Variants in HNRNPA2B1 observed in about 807,000 individuals in gnomAD.
HNRNPA2B1 encodes heterogeneous nuclear ribonucleoproteins A2/B1.
In HNRNPA2B1, 3 loss-of-function variants were observed where a neutral mutation model predicts 46.3. The ratio of observed to expected loss-of-function variants is 0.06; its 90% CI spans 0.03 to 0.17. The LOEUF (loss-of-function observed/expected upper bound fraction) is 0.17, where lower values mean the gene tolerates loss of function less well. Among genes scored for constraint, HNRNPA2B1 ranks in the 10% least tolerant of loss-of-function variants. The probability of loss-of-function intolerance (pLI) is 1.00; values close to 1 mark genes in which losing one functional copy is unlikely to be tolerated. For missense variants in HNRNPA2B1, 221 were observed against 418.9 expected (o/e 0.53, Z 4.12); for synonymous variants, 225 against 133.8 (o/e 1.68, Z -4.70).
chr7:26,196,662 G>T lies in HNRNPA2B1; in HGVS notation c.476-4C>A, dbSNP rs765672701. The T allele has an allele frequency of 6.2e-7, 1 of 1,609,880 alleles. No individual in the cohort carries two copies. The highest frequency in any genetic ancestry group is 1.1e-5 in the South Asian group (1 of 90,402). On this transcript the variant is annotated splice_polypyrimidine_tract_variant and splice_region_variant and intron_variant, in intron 4 of 10. Coordinates refer to ENST00000618183, the MANE Select transcript of HNRNPA2B1 (RefSeq NM_002137.4). ...TTGATGGTATGGTATTTCTGCACTG[G>T]AATGAAAAATTCAGACTCCTTTTAA...
intron 4 of HNRNPA2B1, 65 bp downstream of exon 4, chr7:26,196,742 G>T (rs73683262): frequency 1.9e-6 from 3 of 1,560,620 alleles, no homozygotes; most frequent in East Asian, 4.5e-5. Flanking sequence ...TAAAGTTACA[G>T]ATGTTAACAT....
Position 26,197,419 on chromosome 7 carries a change from A to G in HNRNPA2B1, c.160T>C (p.Phe54Leu), listed in dbSNP as rs531662999. 6.2e-7 allele frequency: 1 copy of G among 1,613,994 alleles called. No homozygotes were observed. The highest frequency in any genetic ancestry group is 1.1e-5 in the South Asian group (1 of 91,074). The change falls in exon 3 of 11, where the codon TTT (phenylalanine) becomes CTT (leucine). Residue 54 changes from phenylalanine (F) to leucine (L), a missense_variant. By Grantham distance (22) the Phe-to-Leu change is conservative. Coordinates refer to ENST00000618183, the MANE Select transcript of HNRNPA2B1 (RefSeq NM_002137.4). The part of the protein sequence containing the change: ...PASKRSRGFG[F>L]VTFSSMAEVD... ...TCAGCCATGGATGAAAAAGTTACAA[A>G]ACCAAATCCTCTTGATCTTTTGCTT...
chr7:26,190,877 TTTAATAA>T lies in HNRNPA2B1; in HGVS notation c.*1476_*1482del, dbSNP rs1782836304. 1.3e-5 allele frequency: 2 copies of T among 152,590 alleles called. No individual in the cohort carries two copies. The highest frequency in any genetic ancestry group is 4.8e-5 in the African/African-American group (2 of 41,446). The allele number at this position is 152,590 out of a possible 1,614,324, so 9.5% of individuals were successfully genotyped here. A position where few individuals can be genotyped will look rare whatever the true frequency, so the allele number is the denominator to read the frequency against. On this transcript the variant is annotated 3_prime_UTR_variant, in exon 11 of 11. Coordinates refer to ENST00000618183, the MANE Select transcript of HNRNPA2B1 (RefSeq NM_002137.4). ...TACAACCATAAATACAACAAATGTCTTTAATAAAAACCCCTAGTTCACTCAAAATGTT... is the reference window on the plus strand; with the variant it reads ...TACAACCATAAATACAACAAATGTCTAAACCCCTAGTTCACTCAAAATGTT...
intron 3 of HNRNPA2B1, 137 bp downstream of exon 3, chr7:26,197,178 G>A: frequency 2.5e-6 from 3 of 1,217,676 alleles, no homozygotes; most frequent in Non-Finnish European, 3.5e-6. Flanking sequence ...GCTAGCTTAA[G>A]AAAATGGTCC....
At chr7:26,197,288 T>A (rs769924474) in intron 3 of HNRNPA2B1, 27 bp downstream of exon 3, 1 of 1,574,240 alleles carries the variant, frequency 6.4e-7, no homozygotes, top group East Asian at 2.3e-5. Flanking sequence ...TTCATGTTAA[T>A]GCACAAGACA....
intron 3 of HNRNPA2B1, 42 bp downstream of exon 3, chr7:26,197,273 C>T (rs781196156): frequency 3.2e-6 from 5 of 1,554,116 alleles, no homozygotes; most frequent in Non-Finnish European, 4.3e-6. Flanking sequence ...AGCAGGGCAG[C>T]GTTCTTCATG....
chr7:26,193,489 A>G, intron 8 of HNRNPA2B1, 86 bp downstream of exon 8: 3 of 1,531,570 alleles, frequency 2.0e-6, no homozygotes, highest in Non-Finnish European at 2.6e-6. Context: ...ATGGGCATCT[A>G]GTGACAAACA....
intron 8 of HNRNPA2B1, 83 bp downstream of exon 8, chr7:26,193,492 G>A: frequency 6.5e-7 from 1 of 1,534,028 alleles, no homozygotes; most frequent in Non-Finnish European, 8.8e-7. Flanking sequence ...GGCATCTAGT[G>A]ACAAACATGG....
intron 1 of HNRNPA2B1, chr7:26,199,063 T>C (rs1584006013): frequency 6.6e-6 from 1 of 152,280 alleles, no homozygotes; most frequent in African/African-American, 2.4e-5. Context: ...ATTTTCATTT[T>C]TTCAGCTAGT....
Position 26,196,325 on chromosome 7 carries a change from T to C in HNRNPA2B1, c.658+76A>G, listed in dbSNP as rs892081106. 7 of 1,197,416 alleles carry C rather than the reference T, an allele frequency of 5.8e-6. No individual in the cohort carries two copies. In the African/African-American group the frequency reaches 9.2e-5, roughly 16 times the overall value. The allele number at this position is 1,197,416 out of a possible 1,614,324, so 74.2% of individuals were successfully genotyped here. On this transcript the variant is annotated intron_variant, in intron 6 of 10. Coordinates refer to ENST00000618183, the MANE Select transcript of HNRNPA2B1 (RefSeq NM_002137.4). Reference sequence around the variant, plus strand: ...AATTGACTTAGGTTGGATTTCTTGATTCTACTAATGAAAACCTAATCATAT... The same window carrying C: ...AATTGACTTAGGTTGGATTTCTTGACTCTACTAATGAAAACCTAATCATAT...
chr7:26,195,116 C>CAAAAAAAAT (rs1783399450), intron 7 of HNRNPA2B1, among the ~76,000 whole-genome samples: 1 of 127,606 alleles, frequency 7.8e-6, no homozygotes, highest in African/African-American at 3.2e-5. Context: ...AAAAAGAAAC[C>CAAAAAAAAT]ATATTAAAAA....
In HNRNPA2B1 at chr7:26,196,916, T is replaced by C. The variant is rs772649163; in HGVS notation, c.366A>G (p.Glu122=). The change falls in exon 4 of 11, where the codon GAA becomes GAG. Residue 122 remains glutamate, a synonymous_variant. Coordinates refer to ENST00000618183, the MANE Select transcript of HNRNPA2B1 (RefSeq NM_002137.4). ...EEHHLRDYFE[E]YGKIDTIEII... ...TCTCAATGGTATCAATTTTTCCATA[T>C]TCCTCAAAGTAATCTCTAAGGTGAT... 7 of 1,613,334 alleles carry C rather than the reference T, an allele frequency of 4.3e-6. No individual in the cohort carries two copies. In the East Asian group the frequency reaches 1.6e-4, roughly 36 times the overall value.
chr7:26,198,105 A>T (rs1783869227), intron 1 of HNRNPA2B1: 2 of 364,074 alleles, frequency 5.5e-6, no homozygotes, highest in African/African-American at 2.1e-5. Flanking sequence ...ATCTTTACCA[A>T]AAATTTCAAC....
Position 26,197,146 on chromosome 7 carries a change from G to A in HNRNPA2B1, c.265-129C>T, listed in dbSNP as rs1215128940. The A allele has an allele frequency of 1.2e-5, 13 of 1,104,882 alleles. No individual in the cohort carries two copies. The East Asian group carries it at 1.9e-4, about 16-fold the overall frequency. The allele number at this position is 1,104,882 out of a possible 1,614,324, so 68.4% of individuals were successfully genotyped here. A position where few individuals can be genotyped will look rare whatever the true frequency, so the allele number is the denominator to read the frequency against. On this transcript the variant is annotated intron_variant, in intron 3 of 10. Transcript: ENST00000618183. The stretch of plus-strand genomic sequence containing the variant: ...CTACCAGATATAAAATAGCTTTTAG[G>A]GACCTAGCTTTTGAAAAATAAGCTA...
chr7:26,193,167 T>C (rs907408909), intron 9 of HNRNPA2B1, 84 bp downstream of exon 9: 1 of 1,334,044 alleles, frequency 7.5e-7, no homozygotes, highest in African/African-American at 1.5e-5. Flanking sequence ...TACAAACTAC[T>C]TAGTATGTTA....
At chr7:26,196,341 C>T (rs893203140) in intron 6 of HNRNPA2B1, 60 bp downstream of exon 6, 2 of 1,361,016 alleles carry the variant, frequency 1.5e-6, no homozygotes, top group African/African-American at 2.9e-5. Context: ...TAATGAAAAC[C>T]TAATCATATT....
chr7:26,200,210 G>A (rs760333070), intron 1 of HNRNPA2B1: 3 of 309,866 alleles, frequency 9.7e-6, no homozygotes, highest in Non-Finnish European at 1.8e-5. Context: ...AGGACCTGCT[G>A]CCCGCCGAAA....
chr7:26,197,571 A>T lies in HNRNPA2B1; in HGVS notation c.117+51T>A, dbSNP rs1490841657. On this transcript the variant is annotated intron_variant, in intron 2 of 10. Transcript: ENST00000618183. ...TAGTTATTTCCTCCATGATTCACTT[A>T]ACATACAGCTAAAAGACTAATATCC... 6.4e-7 allele frequency: 1 copy of T among 1,561,584 alleles called. No individual in the cohort carries two copies. The highest frequency in any genetic ancestry group is 8.8e-7 in the Non-Finnish European group (1 of 1,134,598).
Position 26,190,101 on chromosome 7 carries a change from T to TA in HNRNPA2B1, c.*2258dup, listed in dbSNP as rs1423763042. 2.0e-5 allele frequency: 3 copies of TA among 152,658 alleles called. No homozygotes were observed. Among genetic ancestry groups the TA allele is most frequent in the Admixed American group, 6.5e-5 (1 of 15,286 alleles). The allele number at this position is 152,658 out of a possible 1,614,324, so 9.5% of individuals were successfully genotyped here. A position where few individuals can be genotyped will look rare whatever the true frequency, so the allele number is the denominator to read the frequency against. On this transcript the variant is annotated 3_prime_UTR_variant, in exon 11 of 11. Coordinates refer to ENST00000618183, the MANE Select transcript of HNRNPA2B1 (RefSeq NM_002137.4). The stretch of plus-strand genomic sequence containing the variant: ...TTTATAGAACAAGATTCACACATTT[T>TA]ATGTGTAAACATTACACCAAGTATT...
Sources: allele counts gnomAD v4.1 joint callset (sites outside exome capture counted in the v4.1 genomes callset), GRCh38; gene constraint gnomAD v4.1.1; transcripts MANE v1.5; gene names NCBI Gene and HGNC (gene_info 2026-07-23, HGNC 2026-07-21).